The following PLCB4 variants were observed in gnomAD, a reference collection of about 807,000 sequenced individuals.
PLCB4 encodes the protein phospholipase C beta 4, also known as 1-phosphatidylinositol 4,5-bisphosphate phosphodiesterase beta-4.
PLCB4 carries 77 observed loss-of-function variants against 178.8 expected under a neutral mutation model. The observed-to-expected ratio is 0.43, with a 90% CI of 0.36 to 0.52. The LOEUF (loss-of-function observed/expected upper bound fraction) is 0.52. Among genes scored for constraint, PLCB4 ranks in the 20% least tolerant of loss-of-function variants. PLCB4 has a pLI of 0.00. For missense variants in PLCB4, 1,024 were observed against 1,453.4 expected, an observed-to-expected ratio of 0.70 and a Z score of 4.80; for synonymous variants, 496 against 490.8, an observed-to-expected ratio of 1.01 and a Z score of -0.14.
intron 2 of PLCB4, among the ~76,000 whole-genome samples, chr20:9,142,771 A>G (rs1434355060): frequency 1.3e-5 from 2 of 152,136 alleles, no homozygotes; most frequent in Non-Finnish European, 2.9e-5. Context: ...TGTTCTCAAC[A>G]CAGCAGCCCA....
chr20:9,466,604 C>T (rs1029288183), intron 35 of PLCB4, among the ~76,000 whole-genome samples: 2 of 152,134 alleles, frequency 1.3e-5, no homozygotes, highest in African/African-American at 2.4e-5. Context: ...ACAACCCCAT[C>T]AAAAAGTAGG....
At chr20:9,214,618 C>T (rs1047959552) in intron 2 of PLCB4, among the ~76,000 whole-genome samples, 3 of 152,002 alleles carry the variant, frequency 2.0e-5, no homozygotes, top group African/African-American at 4.8e-5. Context: ...CACACACACT[C>T]ATGCACACAG....
intron 3 of PLCB4, among the ~76,000 whole-genome samples, chr20:9,236,936 A>C (rs1321967884): frequency 2.0e-5 from 3 of 152,274 alleles, no homozygotes; most frequent in Non-Finnish European, 4.4e-5. Flanking sequence ...TTATGTGTTG[A>C]ACACATAGGA....
At chr20:9,319,190 C>CT (rs1053977018) in intron 4 of PLCB4, among the ~76,000 whole-genome samples, 3 of 152,194 alleles carry the variant, frequency 2.0e-5, no homozygotes, top group African/African-American at 4.8e-5. Flanking sequence ...AAAATGAATT[C>CT]TTTTTTCTGT....
At chr20:9,303,337 A>G (rs11696246) in intron 3 of PLCB4, among the ~76,000 whole-genome samples, 2,490 of 152,232 alleles carry the variant, frequency 0.016, 28 homozygotes, top group Non-Finnish European at 0.023. Flanking sequence ...TATCAACTCC[A>G]CATTCCCCCT....
intron 2 of PLCB4, among the ~76,000 whole-genome samples, chr20:9,169,122 A>G (rs1033070513): frequency 1.3e-5 from 2 of 152,154 alleles, no homozygotes; most frequent in Admixed American, 6.5e-5. Flanking sequence ...CCTCTGCCCA[A>G]TCTGGCTTGC....
intron 4 of PLCB4, among the ~76,000 whole-genome samples, chr20:9,322,316 G>T (rs2094970401): frequency 6.6e-6 from 1 of 151,966 alleles, no homozygotes; most frequent in African/African-American, 2.4e-5. Context: ...TATATGGAAA[G>T]ATTATAATAT....
intron 1 of PLCB4, among the ~76,000 whole-genome samples, chr20:9,074,832 A>ATT (rs549956475): frequency 0.47 from 61,238 of 131,044 alleles, 15,797 homozygotes; most frequent in Middle Eastern, 0.54. Context: ...AAAACAAAAC[A>ATT]AAACAAAACA....
chr20:9,182,678 C>T (rs576762220), intron 2 of PLCB4, among the ~76,000 whole-genome samples: 6 of 152,218 alleles, frequency 3.9e-5, no homozygotes, highest in Admixed American at 6.5e-5. Flanking sequence ...CCAGCTCAGG[C>T]GCCTAGGACA....
Position 9,434,556 on chromosome 20 carries a change from A to G in PLCB4, c.2525-1004A>G, listed in dbSNP as rs543983637. ...AAGCCCAGCTAATTTTTGTATTTTT[A>G]GTAAAGACGGGGTTTCACCATGTTG... On this transcript the variant is annotated intron_variant, in intron 28 of 39. Transcript: ENST00000378473. Among the ~76,000 whole-genome samples the G allele has an allele frequency of 1.2e-4, 19 of 152,194 alleles. No individual in the cohort carries two copies. The South Asian group carries it at 3.5e-3, about 28-fold the overall frequency.
At chr20:9,466,285 C>T (rs1453142233) in intron 35 of PLCB4, among the ~76,000 whole-genome samples, 1 of 152,130 alleles carries the variant, frequency 6.6e-6, no homozygotes, top group Non-Finnish European at 1.5e-5. Flanking sequence ...AAAATTAATT[C>T]AAGATGGATT....
chr20:9,401,068 A>C (rs944642376), intron 19 of PLCB4, among the ~76,000 whole-genome samples: 2 of 152,188 alleles, frequency 1.3e-5, no homozygotes, highest in African/African-American at 4.8e-5. Flanking sequence ...GTCTCTTTCA[A>C]AATTATCCGA....
At chr20:9,165,793 TTGTGTGTGTGTGTGTGTGTGTG>T (rs3036061) in intron 2 of PLCB4, among the ~76,000 whole-genome samples, 5 of 139,650 alleles carry the variant, frequency 3.6e-5, no homozygotes, top group Non-Finnish European at 7.9e-5. Flanking sequence ...CTGGGGCTGT[TTGTGTGTGTGTGTGTGTGTGTG>T]TGTGTGTGTG....
chr20:9,390,102 C>T, intron 16 of PLCB4, 144 bp downstream of exon 16: 1 of 568,066 alleles, frequency 1.8e-6, no homozygotes, highest in Non-Finnish European at 3.1e-6. Context: ...GCAAGGGCAC[C>T]TACTCTTATG....
At chr20:9,337,043 G>T (rs986418728) in intron 4 of PLCB4, 83 bp from the exon 5 acceptor site, 4 of 853,504 alleles carry the variant, frequency 4.7e-6, no homozygotes, top group Non-Finnish European at 8.1e-6. Context: ...TTTCTAATTT[G>T]TTTAGAAGCT....
At chr20:9,220,654 T>TTCTG (rs1468048234) in intron 3 of PLCB4, among the ~76,000 whole-genome samples, 11 of 152,310 alleles carry the variant, frequency 7.2e-5, no homozygotes, top group East Asian at 3.9e-4. Context: ...TTTGTATTAA[T>TTCTG]TATATACAGA....
chr20:9,133,187 A>T (rs1023625572), intron 2 of PLCB4, among the ~76,000 whole-genome samples: 6 of 152,034 alleles, frequency 3.9e-5, no homozygotes, highest in Non-Finnish European at 5.9e-5. Context: ...GTCTTTGCTT[A>T]TGTTGTTCTC....
At chr20:9,323,406 T>C (rs77447783) in intron 4 of PLCB4, among the ~76,000 whole-genome samples, 86 of 152,352 alleles carry the variant, frequency 5.6e-4, no homozygotes, top group African/African-American at 2.1e-3. Context: ...TTCTAGAAGA[T>C]AAGCCCTGAG....
At chr20:9,362,845 T>C (rs948593659) in intron 7 of PLCB4, 51 bp from the exon 8 acceptor site, 11 of 1,191,580 alleles carry the variant, frequency 9.2e-6, no homozygotes, top group Non-Finnish European at 1.4e-5. Flanking sequence ...AACTGCTCTA[T>C]TTGACTCCAG....
Sources: allele counts gnomAD v4.1 joint callset (sites outside exome capture counted in the v4.1 genomes callset), GRCh38; gene constraint gnomAD v4.1.1; transcripts MANE v1.5; gene names NCBI Gene and HGNC (gene_info 2026-07-23, HGNC 2026-07-21).